The following DAB1 variants were observed in gnomAD, a reference collection of about 807,000 sequenced individuals.
DAB1 encodes DAB adaptor protein 1.
A neutral mutation model predicts 64.6 loss-of-function variants in DAB1; 15 were observed. The ratio of observed to expected loss-of-function variants is 0.23; its 90% confidence interval spans 0.16 to 0.36. The LOEUF (loss-of-function observed/expected upper bound fraction) is 0.36. DAB1 is among the 10% of genes least tolerant of loss of function. The probability of loss-of-function intolerance (pLI) is 1.00; values close to 1 mark genes in which losing one functional copy is unlikely to be tolerated. For synonymous variants in DAB1, 235 were observed against 251.9 expected, an observed-to-expected ratio of 0.93 and a Z score of 0.64; for missense variants, 596 against 706.7, an observed-to-expected ratio of 0.84 and a Z score of 1.78.
rs188113834 is a variant in DAB1, at chr1:57,712,242, T to C, written n.552-62577A>G. ...AATCAAGAAGTTACTATTGCCACAATTTTCTAAGGGGAAATGAGAATACCC... is the reference window on the plus strand; with the variant it reads ...AATCAAGAAGTTACTATTGCCACAACTTTCTAAGGGGAAATGAGAATACCC... On this transcript the variant is annotated intron_variant and non_coding_transcript_variant, in intron 6 of 20. Transcript: ENST00000485760. Among the ~76,000 whole-genome samples the C allele has an allele frequency of 3.3e-3, 501 of 152,300 alleles. 2 individuals carry two copies. Among genetic ancestry groups the C allele is most frequent in the Non-Finnish European group, 5.2e-3 (356 of 68,020 alleles).
intron 2 of DAB1, among the ~76,000 whole-genome samples, chr1:57,201,086 C>T (rs931468131): frequency 6.6e-6 from 1 of 152,148 alleles, no homozygotes; most frequent in South Asian, 2.1e-4. Context: ...TCTCTCAGGG[C>T]CACACAGCTA....
intron 6 of DAB1, among the ~76,000 whole-genome samples, chr1:57,796,418 T>C (rs1650867400): frequency 6.6e-6 from 1 of 151,958 alleles, no homozygotes; most frequent in Admixed American, 6.6e-5. Context: ...TCCCAACTAC[T>C]CGGGAGGCTG....
At chr1:57,404,751 G>A (rs1414774572) in intron 1 of DAB1, among the ~76,000 whole-genome samples, 1 of 152,132 alleles carries the variant, frequency 6.6e-6, no homozygotes, top group African/African-American at 2.4e-5. Context: ...GGTTAATTAT[G>A]AACACTAGAA....
At chr1:58,160,368 G>C (rs562838550) in intron 4 of DAB1, among the ~76,000 whole-genome samples, 1 of 152,154 alleles carries the variant, frequency 6.6e-6, no homozygotes, top group Non-Finnish European at 1.5e-5. Context: ...CAAACATTTT[G>C]GGGCCTCCTA....
intron 5 of DAB1, among the ~76,000 whole-genome samples, chr1:58,037,043 C>T (rs1318476005): frequency 1.3e-5 from 2 of 152,084 alleles, no homozygotes; most frequent in African/African-American, 2.4e-5. Context: ...CCCTAGGATG[C>T]CTTTGTGTAG....
chr1:57,415,280 C>T (rs371474744), intron 1 of DAB1, among the ~76,000 whole-genome samples: 42 of 145,254 alleles, frequency 2.9e-4, no homozygotes, highest in Admixed American at 5.4e-4. Flanking sequence ...CACACACACA[C>T]ATATATGCAC....
At chr1:58,240,041 G>C (rs1023251497) in intron 4 of DAB1, among the ~76,000 whole-genome samples, 1 of 152,188 alleles carries the variant, frequency 6.6e-6, no homozygotes, top group Non-Finnish European at 1.5e-5. Context: ...TGCAAAAGAA[G>C]TAGGCGACTG....
intron 3 of DAB1, among the ~76,000 whole-genome samples, chr1:58,452,837 A>T (rs1468069405): frequency 1.3e-5 from 2 of 151,438 alleles, no homozygotes; most frequent in African/African-American, 2.4e-5. Context: ...CAAAAAAACA[A>T]AAAACAAAAA....
intron 3 of DAB1, among the ~76,000 whole-genome samples, chr1:58,496,149 T>C (rs1031798574): frequency 2.0e-5 from 3 of 152,110 alleles, no homozygotes; most frequent in Admixed American, 2.0e-4. Flanking sequence ...GCCTTTTCAA[T>C]ATTCTTTCAT....
intron 5 of DAB1, among the ~76,000 whole-genome samples, chr1:57,978,787 A>G (rs916986959): frequency 1.3e-5 from 2 of 152,264 alleles, no homozygotes; most frequent in African/African-American, 4.8e-5. Flanking sequence ...AAAAGAAGAC[A>G]TTTATGCAGC....
In DAB1 at chr1:57,803,270, T is replaced by C. The variant is rs1651212730; in HGVS notation, n.551+80729A>G. On this transcript the variant is annotated intron_variant and non_coding_transcript_variant, in intron 6 of 20. Coordinates refer to the DAB1 transcript ENST00000485760. Reference sequence around the variant, plus strand: ...TCTCCAGGGCAAAGGAAAGTTGCCATAACCTAGAGTGGACTACAGCAGTGG... The same window carrying C: ...TCTCCAGGGCAAAGGAAAGTTGCCACAACCTAGAGTGGACTACAGCAGTGG... Among the ~76,000 whole-genome samples, 3 of 152,188 alleles carry C rather than the reference T, an allele frequency of 2.0e-5. No individual in the cohort carries two copies. In the South Asian group the frequency reaches 6.2e-4, roughly 32 times the overall value.
At chr1:58,063,983 T>C (rs1648675528) in intron 5 of DAB1, among the ~76,000 whole-genome samples, 1 of 152,206 alleles carries the variant, frequency 6.6e-6, no homozygotes, top group African/African-American at 2.4e-5. Context: ...CAGATGAGGG[T>C]GTTTATTATT....
rs1275454249 is a variant in DAB1, at chr1:58,048,389, C to T, written n.387+102122G>A. ...TCCACCACCTCCAAAACTGCTTCCA[C>T]TGCCACTGCCAAAGCTACCTCCACC... On this transcript the variant is annotated intron_variant and non_coding_transcript_variant, in intron 5 of 20. Transcript: ENST00000485760. 4 of 928,212 alleles carry T rather than the reference C, an allele frequency of 4.3e-6. No individual in the cohort carries two copies. The African/African-American group carries it at 4.9e-5, about 11-fold the overall frequency. The allele number at this position is 928,212 out of a possible 1,614,324, so 57.5% of individuals were successfully genotyped here. A position where few individuals can be genotyped will look rare whatever the true frequency, so the allele number is the denominator to read the frequency against.
rs1570599244 is a variant in DAB1 at position 57,528,663 on chromosome 1, C to CAT, written n.625+120928_625+120929insAT. ...ACACACACACACACACACACACACA[C>CAT]ACACACACACACACGGACACACAAC... On this transcript the variant is annotated intron_variant and non_coding_transcript_variant, in intron 7 of 20. Transcript: ENST00000485760. Among the ~76,000 whole-genome samples, 47 of 149,712 alleles carry CAT rather than the reference C, an allele frequency of 3.1e-4. No homozygotes were observed. The South Asian group carries it at 8.7e-3, about 28-fold the overall frequency.
At chr1:57,683,008 T>G (rs961262586) in intron 6 of DAB1, among the ~76,000 whole-genome samples, 3 of 152,184 alleles carry the variant, frequency 2.0e-5, no homozygotes, top group African/African-American at 7.2e-5. Context: ...AATTTCTTGG[T>G]GATCTGGCAG....
intron 3 of DAB1, among the ~76,000 whole-genome samples, chr1:58,451,178 C>T (rs561480352): frequency 7.2e-5 from 11 of 152,206 alleles, no homozygotes; most frequent in Non-Finnish European, 1.3e-4. Flanking sequence ...CAGCCTCAGC[C>T]TCCTAGACTC....
chr1:57,722,360 A>C (rs781697488), intron 6 of DAB1, among the ~76,000 whole-genome samples: 43 of 152,230 alleles, frequency 2.8e-4, no homozygotes, highest in Non-Finnish European at 4.9e-4. Flanking sequence ...CTAAGGAGAC[A>C]GAAGACATAC....
chr1:58,410,296 G>A (rs1268109489), intron 3 of DAB1, among the ~76,000 whole-genome samples: 2 of 152,162 alleles, frequency 1.3e-5, no homozygotes, highest in East Asian at 1.9e-4. Flanking sequence ...ATCACTTCCA[G>A]CCTTCAGATA....
intron 4 of DAB1, among the ~76,000 whole-genome samples, chr1:58,293,457 C>T (rs1661893632): frequency 6.6e-6 from 1 of 152,132 alleles, no homozygotes. Context: ...CCTCAGAAAG[C>T]CCCAGGGGAG....
Sources: allele counts gnomAD v4.1 joint callset (sites outside exome capture counted in the v4.1 genomes callset), GRCh38; gene constraint gnomAD v4.1.1; transcripts MANE v1.5; gene names NCBI Gene and HGNC (gene_info 2026-07-23, HGNC 2026-07-21).